The following SARS1 variants were observed in gnomAD, a reference collection of about 807,000 sequenced individuals.
SARS1 encodes seryl-tRNA synthetase 1, also known as serine--tRNA ligase, cytoplasmic.
SARS1 carries 25 observed loss-of-function variants against 63.7 expected under a neutral mutation model. The observed-to-expected ratio is 0.39, with a 90% CI of 0.29 to 0.55. SARS1 has a LOEUF of 0.55. Among genes scored for constraint, SARS1 ranks in the 20% least tolerant of loss-of-function variants. SARS1 has a pLI of 0.62. For synonymous variants in SARS1, 231 were observed against 243.5 expected, an observed-to-expected ratio of 0.95 and a Z score of 0.48; for missense variants, 417 against 649.7, an observed-to-expected ratio of 0.64 and a Z score of 3.89.
intron 2 of SARS1, among the ~76,000 whole-genome samples, chr1:109,227,779 C>G (rs1309812707): frequency 6.6e-6 from 1 of 151,586 alleles, no homozygotes; most frequent in East Asian, 1.9e-4. Flanking sequence ...ATTAGCCAGA[C>G]GTGGTGGTGC....
rs1341342064 is a variant in SARS1, at chr1:109,237,577, C to T, written c.1388-154C>T. On this transcript the variant is annotated intron_variant, in intron 10 of 10. Transcript: ENST00000234677. The surrounding 1 kb of genome is among the most constrained non-coding windows in gnomAD (Gnocchi z 4.1). ...ATGATGTTGAAATGCTGCTAAAATT[C>T]AGACTAGGGAAGAAAAGAATAAAGG... is the stretch of plus-strand genomic sequence containing the variant. Among the ~76,000 whole-genome samples the T allele has an allele frequency of 6.6e-6, 1 of 152,178 alleles. No homozygotes were observed. The highest frequency in any genetic ancestry group is 1.5e-5 in the Non-Finnish European group (1 of 68,030).
chr1:109,221,962 G>GTGTGCATATATATATATATATATA, intron 1 of SARS1, among the ~76,000 whole-genome samples: 1 of 78,696 alleles, frequency 1.3e-5, no homozygotes, highest in East Asian at 4.0e-4. Context: ...TAATTTTTTT[G>GTGTGCATATATATATATATATATA]TGTGTGTGTA....
Position 109,228,198 on chromosome 1 carries a change from T to G in SARS1, c.208-154T>G, listed in dbSNP as rs187418404. Among the ~76,000 whole-genome samples, 374 of 152,372 alleles carry G rather than the reference T, an allele frequency of 2.5e-3. 2 individuals carry two copies. Among genetic ancestry groups the G allele is most frequent in the African/African-American group, 8.6e-3 (356 of 41,584 alleles). ...CTTTGACTTCTGGCTTCCAGTGTACTAATTTTTTTCCTACATGTTGTATCT... is the reference window on the plus strand; with the variant it reads ...CTTTGACTTCTGGCTTCCAGTGTACGAATTTTTTTCCTACATGTTGTATCT... On this transcript the variant is annotated intron_variant, in intron 2 of 10. Transcript: ENST00000234677.
At chr1:109,226,701 C>CATATATATATAT (rs61204287) in intron 2 of SARS1, among the ~76,000 whole-genome samples, 7 of 69,770 alleles carry the variant, frequency 1.0e-4, no homozygotes, top group African/African-American at 2.9e-4. Context: ...TATATATACA[C>CATATATATATAT]ACACACACAC....
intron 4 of SARS1, 105 bp from the exon 5 acceptor site, chr1:109,230,773 C>A: frequency 2.9e-6 from 3 of 1,035,810 alleles, no homozygotes; most frequent in Non-Finnish European, 4.0e-6. Context: ...CCATTGCACT[C>A]CAGCCTGGAT....
At position 109,235,297 on chromosome 1, in the gene SARS1, C is replaced by T; in HGVS notation, c.835C>T (p.Leu279=). The T allele has an allele frequency of 6.2e-7, 1 of 1,613,974 alleles. No individual in the cohort carries two copies. The highest frequency in any genetic ancestry group is 8.5e-7 in the Non-Finnish European group (1 of 1,179,998). ...CACCTCAGAGCAGCCCATTGCTGCC[C>T]TGCACCGGGATGAGTGGCTCCGGCC... ...IATSEQPIAA[L]HRDEWLRPED... The change falls in exon 7 of 11, where the codon CTG becomes TTG. Residue 279 remains leucine, a synonymous_variant. Coordinates refer to ENST00000234677, the MANE Select transcript of SARS1 (RefSeq NM_006513.4). The surrounding 1 kb of genome is among the most constrained non-coding windows in gnomAD (Gnocchi z 4.7).
chr1:109,217,982 G>A (rs1241333740), intron 1 of SARS1, among the ~76,000 whole-genome samples: 1 of 151,982 alleles, frequency 6.6e-6, no homozygotes, highest in Non-Finnish European at 1.5e-5. Context: ...ACAAGGTCAG[G>A]AGATCGAGAC....
intron 1 of SARS1, among the ~76,000 whole-genome samples, chr1:109,217,878 C>T (rs1654827820): frequency 1.3e-5 from 2 of 152,002 alleles, no homozygotes; most frequent in Admixed American, 1.3e-4. Context: ...ATATTTTCAA[C>T]ACATAATCAG....
chr1:109,227,229 G>A (rs1016041695), intron 2 of SARS1, among the ~76,000 whole-genome samples: 6 of 151,902 alleles, frequency 3.9e-5, no homozygotes, highest in Non-Finnish European at 7.4e-5. Context: ...TCCTGACCTC[G>A]TGATCCACCC....
rs567826462 is a variant in SARS1, at chr1:109,220,984, T to A, written c.137-2994T>A. Among the ~76,000 whole-genome samples, 8 of 152,132 alleles carry A rather than the reference T, an allele frequency of 5.3e-5. No homozygotes were observed. The South Asian group carries it at 1.2e-3, about 24-fold the overall frequency. On this transcript the variant is annotated intron_variant, in intron 1 of 10. Coordinates refer to ENST00000234677, the MANE Select transcript of SARS1 (RefSeq NM_006513.4). ...TGCTCATGGTAAAAATGCAATAAAC[T>A]GAGAATAGAAGGGAGCTTCCTTAAT... is the stretch of plus-strand genomic sequence containing the variant.
intron 4 of SARS1, 98 bp from the exon 5 acceptor site, chr1:109,230,780 G>A: frequency 1.8e-6 from 2 of 1,117,810 alleles, no homozygotes; most frequent in South Asian, 1.7e-5. Flanking sequence ...ACTCCAGCCT[G>A]GATGACGGCG....
At chr1:109,220,949 G>A (rs899283220) in intron 1 of SARS1, among the ~76,000 whole-genome samples, 1 of 151,784 alleles carries the variant, frequency 6.6e-6, no homozygotes, top group Non-Finnish European at 1.5e-5. Flanking sequence ...TTTTAATGTG[G>A]AGAGTCAATT....
intron 1 of SARS1, among the ~76,000 whole-genome samples, chr1:109,218,598 C>G (rs975773485): frequency 1.3e-5 from 2 of 152,100 alleles, no homozygotes; most frequent in South Asian, 4.1e-4. Flanking sequence ...ACAAAGTCCC[C>G]CATGCCTTCC....
rs763283025 is a variant in SARS1, at chr1:109,224,003, C to T, written c.162C>T (p.Asn54=). 6.2e-7 allele frequency: 1 copy of T among 1,613,428 alleles called. No homozygotes were observed. Among genetic ancestry groups the T allele is most frequent in the Non-Finnish European group, 8.5e-7 (1 of 1,179,592 alleles). Residue 54 remains asparagine, a synonymous_variant, in exon 2 of 11, where the codon AAC becomes AAT. Coordinates refer to ENST00000234677, the MANE Select transcript of SARS1 (RefSeq NM_006513.4). ...GTAGATTTCGGGCAGACAACTTGAACAAGCTGAAGAACCTATGCAGCAAGA... is the reference window on the plus strand; with the variant it reads ...GTAGATTTCGGGCAGACAACTTGAATAAGCTGAAGAACCTATGCAGCAAGA... ...RRCRFRADNL[N]KLKNLCSKTI...
intron 1 of SARS1, chr1:109,215,162 C>T (rs1654755952): frequency 1.5e-5 from 15 of 985,298 alleles, no homozygotes; most frequent in Non-Finnish European, 1.7e-5. Flanking sequence ...GAGTTTTGTG[C>T]TGATTCTATG....
intron 6 of SARS1, among the ~76,000 whole-genome samples, chr1:109,234,703 C>A (rs978537501): frequency 6.6e-6 from 1 of 152,216 alleles, no homozygotes; most frequent in African/African-American, 2.4e-5. Context: ...CAGTGGCTCA[C>A]GCCTGTAACC....
Position 109,237,902 on chromosome 1 carries a change from C to T in SARS1, c.*14C>T. The T allele has an allele frequency of 2.5e-6, 4 of 1,613,278 alleles. No homozygotes were observed. The highest frequency in any genetic ancestry group is 2.5e-6 in the Non-Finnish European group (3 of 1,179,406). On this transcript the variant is annotated 3_prime_UTR_variant, in exon 11 of 11. Transcript: ENST00000234677. This position sits in a 1 kb window ranked among gnomAD's most constrained non-coding sequence, Gnocchi z 4.1. ...ACCGATGCTTGAACATTCCTGCCTC[C>T]CTATTTGCCAGGCTTTCATTTCTGT...
intron 6 of SARS1, among the ~76,000 whole-genome samples, chr1:109,232,389 G>A (rs965943369): frequency 9.9e-5 from 15 of 152,206 alleles, no homozygotes; most frequent in African/African-American, 3.6e-4. Flanking sequence ...AAGATTTCTA[G>A]AGCGTCTCTG....
At chr1:109,229,603 C>G in intron 4 of SARS1, 31 bp downstream of exon 4, 1 of 1,598,982 alleles carries the variant, frequency 6.3e-7, no homozygotes, top group African/African-American at 1.3e-5. Flanking sequence ...AGGAGGCTGC[C>G]TTAGGTCGCT....
Sources: allele counts gnomAD v4.1 joint callset (sites outside exome capture counted in the v4.1 genomes callset), GRCh38; gene constraint gnomAD v4.1.1; non-coding constraint Gnocchi (gnomAD v3.1); transcripts MANE v1.5; gene names NCBI Gene and HGNC (gene_info 2026-07-23, HGNC 2026-07-21).